The following PIEZO2 variants were observed in gnomAD, a reference collection of about 807,000 sequenced individuals.
PIEZO2 encodes the protein piezo-type mechanosensitive ion channel component 2.
In PIEZO2, 172 loss-of-function variants were observed where a neutral mutation model predicts 337.3. The observed-to-expected ratio is 0.51, with a 90% CI of 0.45 to 0.58. PIEZO2 has a LOEUF of 0.58. Among genes scored for constraint, PIEZO2 ranks in the 20% least tolerant of loss-of-function variants. The pLI is 0.00. For missense variants in PIEZO2, 3,028 were observed against 3,391.3 expected, an observed-to-expected ratio of 0.89 and a Z score of 2.66; for synonymous variants, 1,251 against 1,228.5, an observed-to-expected ratio of 1.02 and a Z score of -0.38.
intron 30 of PIEZO2, among the ~76,000 whole-genome samples, chr18:10,745,717 C>G (rs555861865): frequency 6.6e-6 from 1 of 152,076 alleles, no homozygotes; most frequent in Non-Finnish European, 1.5e-5. Context: ...CCAAGGTTCT[C>G]TTCTCATTTC....
chr18:11,073,855 T>A (rs564208433), intron 1 of PIEZO2, among the ~76,000 whole-genome samples: 1 of 151,450 alleles, frequency 6.6e-6, no homozygotes, highest in South Asian at 2.1e-4. Flanking sequence ...CTGCTTTTTT[T>A]TTTTTTTTTG....
rs1165924022 is a variant in PIEZO2 at position 11,148,903 on chromosome 18, G to A, written c.-315C>T. ...CGGCAGCGGCGGCGGCTTCTTCAGGGGTAGCTGATGCCGGGGCCTTGGAGA... is the reference window on the plus strand; with the variant it reads ...CGGCAGCGGCGGCGGCTTCTTCAGGAGTAGCTGATGCCGGGGCCTTGGAGA... On this transcript the variant is annotated 5_prime_UTR_variant, in exon 1 of 56. Transcript: ENST00000674853. This position sits in a 1 kb window ranked among gnomAD's most constrained non-coding sequence, Gnocchi z 5.2. 6.0e-6 allele frequency: 2 copies of A among 336,134 alleles called. No homozygotes were observed. Among genetic ancestry groups the A allele is most frequent in the Non-Finnish European group, 1.1e-5 (2 of 188,598 alleles). 20.8% of individuals were successfully genotyped at this position (336,134 alleles called of 1,614,324 possible). A position where few individuals can be genotyped will look rare whatever the true frequency, so the allele number is the denominator to read the frequency against.
At chr18:11,042,392 T>C (rs1009722814) in intron 2 of PIEZO2, among the ~76,000 whole-genome samples, 1 of 152,174 alleles carries the variant, frequency 6.6e-6, no homozygotes, top group Non-Finnish European at 1.5e-5. Context: ...ATACACACAG[T>C]CCTCTCTGAC....
intron 1 of PIEZO2, among the ~76,000 whole-genome samples, chr18:11,095,697 TTAA>T (rs1469799096): frequency 1.3e-5 from 2 of 152,168 alleles, no homozygotes; most frequent in Non-Finnish European, 2.9e-5. Flanking sequence ...TTTATAAAAG[TTAA>T]TAACCTCAAC....
intron 1 of PIEZO2, among the ~76,000 whole-genome samples, chr18:11,073,377 T>C (rs1159382062): frequency 6.6e-6 from 1 of 152,156 alleles, no homozygotes; most frequent in African/African-American, 2.4e-5. Flanking sequence ...GGGTTAAGGC[T>C]TGTCTTGAGC....
intron 7 of PIEZO2, among the ~76,000 whole-genome samples, chr18:10,818,703 A>G (rs1274041026): frequency 1.3e-5 from 2 of 152,172 alleles, no homozygotes; most frequent in Admixed American, 6.5e-5. Flanking sequence ...TGAGTTTGGA[A>G]TTTTCATTTA....
At chr18:11,139,830 T>C (rs894947723) in intron 1 of PIEZO2, among the ~76,000 whole-genome samples, 1 of 152,190 alleles carries the variant, frequency 6.6e-6, no homozygotes, top group African/African-American at 2.4e-5. Flanking sequence ...CAAGATAGAC[T>C]TCTGTTCACT....
chr18:11,080,102 T>G lies in PIEZO2; in HGVS notation c.65-13880A>C, dbSNP rs1416129342. Among the ~76,000 whole-genome samples the G allele has an allele frequency of 3.9e-5, 6 of 151,996 alleles. No homozygotes were observed. The highest frequency in any genetic ancestry group is 8.8e-5 in the Non-Finnish European group (6 of 67,994). ...AGTCAGGCTGTCTCCAGATCCCCAC[T>G]CCTAACCACTCCACACTGCTACCTC... is the stretch of plus-strand genomic sequence containing the variant. On this transcript the variant is annotated intron_variant, in intron 1 of 55. Coordinates refer to ENST00000674853, the MANE Select transcript of PIEZO2 (RefSeq NM_001378183.1). This position sits in a 1 kb window ranked among gnomAD's most constrained non-coding sequence, Gnocchi z 5.4.
chr18:11,082,432 C>T (rs2038778650), intron 1 of PIEZO2, among the ~76,000 whole-genome samples: 1 of 151,948 alleles, frequency 6.6e-6, no homozygotes, highest in Non-Finnish European at 1.5e-5. Flanking sequence ...ATTCTCCTGC[C>T]TCAGCCTCCA....
At position 11,000,840 on chromosome 18, in the gene PIEZO2, C is replaced by T. The variant is rs757888290; in HGVS notation, c.161-21180G>A. Among the ~76,000 whole-genome samples the T allele has an allele frequency of 9.9e-5, 15 of 152,232 alleles. No individual in the cohort carries two copies. The Middle Eastern group carries it at 0.014, about 138-fold the overall frequency. On this transcript the variant is annotated intron_variant, in intron 2 of 55. Coordinates refer to ENST00000674853, the MANE Select transcript of PIEZO2 (RefSeq NM_001378183.1). ...AGACTGAGGCAAAAGAGAAGCTGAACATGAGGCAGTGGCAGCAGAGCCCTC... is the reference window on the plus strand; with the variant it reads ...AGACTGAGGCAAAAGAGAAGCTGAATATGAGGCAGTGGCAGCAGAGCCCTC...
chr18:11,060,909 G>C (rs1196867899), intron 2 of PIEZO2, among the ~76,000 whole-genome samples: 1 of 152,152 alleles, frequency 6.6e-6, no homozygotes, highest in Non-Finnish European at 1.5e-5. Flanking sequence ...CATTTTATGA[G>C]GCCAGCATCA....
intron 4 of PIEZO2, among the ~76,000 whole-genome samples, chr18:10,884,964 C>T (rs183633233): frequency 2.0e-3 from 303 of 152,082 alleles, no homozygotes; most frequent in Middle Eastern, 3.4e-3. Flanking sequence ...TATGTGTGAG[C>T]GTCTATCATA....
chr18:10,820,707 T>C (rs2040496449), intron 7 of PIEZO2, among the ~76,000 whole-genome samples: 1 of 152,246 alleles, frequency 6.6e-6, no homozygotes, highest in Non-Finnish European at 1.5e-5. Context: ...CATTGTTATT[T>C]CTACATTATC....
chr18:10,710,926 C>T (rs1243245479), intron 39 of PIEZO2, among the ~76,000 whole-genome samples: 1 of 152,204 alleles, frequency 6.6e-6, no homozygotes, highest in Non-Finnish European at 1.5e-5. Context: ...ACAAGATAGG[C>T]CCTATTCTGT....
At position 10,752,004 on chromosome 18, in the gene PIEZO2, G is replaced by C. The variant is rs143625962; in HGVS notation, c.4167+632C>G. 1.8e-4 allele frequency among the ~76,000 whole-genome samples: 27 copies of C among 152,254 alleles called. 1 individual carries two copies. Among genetic ancestry groups the C allele is most frequent in the South Asian group, 8.3e-4 (4 of 4,824 alleles). ...CGTCGGGGCCTGGTGCGGGTTGTGG[G>C]GGGGGAGGGTCCCTCAACCGTACAT... is the stretch of plus-strand genomic sequence containing the variant. On this transcript the variant is annotated intron_variant, in intron 28 of 55. Coordinates refer to ENST00000674853, the MANE Select transcript of PIEZO2 (RefSeq NM_001378183.1).
At position 10,675,283 on chromosome 18, in the gene PIEZO2, A is replaced by G. The variant is rs762802475; in HGVS notation, c.8087T>C (p.Ile2696Thr). The G allele has an allele frequency of 1.3e-6, 2 of 1,524,350 alleles. No individual in the cohort carries two copies. The highest frequency in any genetic ancestry group is 1.2e-5 in the South Asian group (1 of 80,946). The allele number at this position is 1,524,350 out of a possible 1,614,324, so 94.4% of individuals were successfully genotyped here. A position where few individuals can be genotyped will look rare whatever the true frequency, so the allele number is the denominator to read the frequency against. ...CACATAATATGGATAAATCTTTTCT[A>G]TGGTCCTGTACATTAAGAAAAAAAA... ...STESSKTPVTIEKIYPYYVKA... is the reference protein window; with the variant it reads ...STESSKTPVTTEKIYPYYVKA... Residue 2696 changes from isoleucine (I) to threonine (T), a missense_variant, in exon 54 of 56, where the codon ATA (isoleucine) becomes ACA (threonine). By Grantham distance (89) the Ile-to-Thr change is moderately conservative. Transcript: ENST00000674853.
chr18:10,697,650 G>C, intron 45 of PIEZO2, 98 bp downstream of exon 45: 3 of 1,458,666 alleles, frequency 2.1e-6, no homozygotes, highest in Non-Finnish European at 2.8e-6. Flanking sequence ...TTTGTGACAC[G>C]AGAAGTTACT....
At position 10,993,513 on chromosome 18, in the gene PIEZO2, T is replaced by TTTG. The variant is rs143536796; in HGVS notation, c.161-13856_161-13854dup. ...TTCTGTTTATGTGATAGATTACGTT[T>TTTG]TTGTTGTTGTTGTTGTTGTTGTTGT... On this transcript the variant is annotated intron_variant, in intron 2 of 55. Transcript: ENST00000674853. The surrounding 1 kb of genome is among the most constrained non-coding windows in gnomAD (Gnocchi z 5.0). Among the ~76,000 whole-genome samples, 3,796 of 151,702 alleles carry TTTG rather than the reference T, an allele frequency of 0.025. 150 individuals carry two copies. Among genetic ancestry groups the TTTG allele is most frequent in the African/African-American group, 0.081 (3,345 of 41,302 alleles).
rs962848190 is a variant in PIEZO2 at position 10,681,240 on chromosome 18, T to A, written c.7779+421A>T. Reference sequence around the variant, plus strand: ...ATTCATGTAATACATCTGCCTTAATTTCCTCAACCAGCTCCTGTTTGCTGA... The same window carrying A: ...ATTCATGTAATACATCTGCCTTAATATCCTCAACCAGCTCCTGTTTGCTGA... On this transcript the variant is annotated intron_variant, in intron 51 of 55. Coordinates refer to ENST00000674853, the MANE Select transcript of PIEZO2 (RefSeq NM_001378183.1). Among the ~76,000 whole-genome samples, 4 of 152,184 alleles carry A rather than the reference T, an allele frequency of 2.6e-5. 1 individual carries two copies. The South Asian group carries it at 8.3e-4, about 31-fold the overall frequency.
Sources: gnomAD v4.1 joint callset for allele counts (sites outside exome capture counted in the v4.1 genomes callset) on GRCh38, gnomAD v4.1.1 for gene constraint, Gnocchi (gnomAD v3.1) non-coding constraint, MANE v1.5 for transcripts, NCBI Gene and HGNC (gene_info 2026-07-23, HGNC 2026-07-21) for gene names.